TBC1D30: variants seen among roughly 807,000 people sequenced by gnomAD.
The protein encoded by TBC1D30 is TBC1 domain family, member 30.
TBC1D30 carries 31 observed loss-of-function variants against 63.2 expected under a neutral mutation model. That is an observed-to-expected ratio of 0.49 (90% confidence interval 0.37 to 0.66). TBC1D30 has a LOEUF of 0.66. TBC1D30 is among the 30% of genes least tolerant of loss of function. TBC1D30 has a pLI of 0.00. For missense variants in TBC1D30, 810 were observed against 953.6 expected, an observed-to-expected ratio of 0.85 and a Z score of 1.98; for synonymous variants, 307 against 361.5, an observed-to-expected ratio of 0.85 and a Z score of 1.71.
At chr12:64,865,416 A>G (rs1453403383) in intron 9 of TBC1D30, among the ~76,000 whole-genome samples, 12 of 152,044 alleles carry the variant, frequency 7.9e-5, no homozygotes, top group Admixed American at 7.9e-4. Context: ...AGTCCTTTAA[A>G]TATAATTTTC....
intron 8 of TBC1D30, among the ~76,000 whole-genome samples, chr12:64,856,268 G>A (rs1325106460): frequency 1.3e-5 from 2 of 152,200 alleles, no homozygotes; most frequent in African/African-American, 4.8e-5. Context: ...AGCCATTCAT[G>A]AGGGATCTGC....
rs111234357 is a variant in TBC1D30 at position 64,806,453 on chromosome 12, T to C, written c.643+20408T>C. Among the ~76,000 whole-genome samples, 32 of 152,058 alleles carry C rather than the reference T, an allele frequency of 2.1e-4. 2 individuals carry two copies. Among genetic ancestry groups the C allele is most frequent in the African/African-American group, 7.2e-4 (30 of 41,454 alleles). ...ATGAGGAGATTGAAGGCTCAGAGAG[T>C]TGAATAAGATGCATACAGCCAGCTC... On this transcript the variant is annotated intron_variant, in intron 2 of 12. Transcript: ENST00000542120.
intron 1 of TBC1D30, among the ~76,000 whole-genome samples, chr12:64,764,555 A>G (rs1413392824): frequency 6.6e-6 from 1 of 152,222 alleles, no homozygotes; most frequent in Non-Finnish European, 1.5e-5. Flanking sequence ...ACAATAGTGA[A>G]GGACTGTGAT....
In TBC1D30 at chr12:64,797,421, T is replaced by C. The variant is rs571722023; in HGVS notation, c.643+11376T>C. 2.0e-4 allele frequency among the ~76,000 whole-genome samples: 31 copies of C among 152,338 alleles called. No individual in the cohort carries two copies. In the South Asian group the frequency reaches 6.4e-3, roughly 32 times the overall value. ...GCATAATGACTCACTTGTGTACATA[T>C]TTAACTTATTTATTCCACTCTTTGT... On this transcript the variant is annotated intron_variant, in intron 2 of 12. Coordinates refer to the TBC1D30 transcript ENST00000542120.
Position 64,880,775 on chromosome 12 carries a change from C to T in TBC1D30, c.*4987C>T, listed in dbSNP as rs1240473253. On this transcript the variant is annotated 3_prime_UTR_variant, in exon 12 of 12. Coordinates refer to ENST00000539867, the MANE Select transcript of TBC1D30 (RefSeq NM_015279.2). ...GCTACACCAACCTGTGCCCCAGGGG[C>T]TTCAAGAGTTGTTGTTGTTTTAACA... 1 of 152,194 alleles carries T rather than the reference C, an allele frequency of 6.6e-6. No homozygotes were observed. Among genetic ancestry groups the T allele is most frequent in the African/African-American group, 2.4e-5 (1 of 41,448 alleles). 9.4% of individuals were successfully genotyped at this position (152,194 alleles called of 1,614,324 possible). A position where few individuals can be genotyped will look rare whatever the true frequency, so the allele number is the denominator to read the frequency against.
At chr12:64,785,545 C>T (rs1871520193) in intron 1 of TBC1D30, among the ~76,000 whole-genome samples, 1 of 151,914 alleles carries the variant, frequency 6.6e-6, no homozygotes, top group African/African-American at 2.4e-5. Context: ...CATCTGAACA[C>T]TTCAGTGGTA....
At chr12:64,861,810 G>T (rs1268832893) in intron 8 of TBC1D30, among the ~76,000 whole-genome samples, 1 of 152,174 alleles carries the variant, frequency 6.6e-6, no homozygotes, top group Non-Finnish European at 1.5e-5. Flanking sequence ...AAGTGTTTGT[G>T]ACTGACTTCC....
intron 5 of TBC1D30, among the ~76,000 whole-genome samples, chr12:64,834,234 T>C (rs1184226896): frequency 1.3e-5 from 2 of 152,182 alleles, no homozygotes; most frequent in African/African-American, 4.8e-5. Flanking sequence ...ATTGGACATC[T>C]ATTTTTTCAG....
At chr12:64,771,587 C>G (rs1012912752) in intron 1 of TBC1D30, among the ~76,000 whole-genome samples, 1 of 152,182 alleles carries the variant, frequency 6.6e-6, no homozygotes, top group Non-Finnish European at 1.5e-5. Context: ...ACCACTGCTT[C>G]TCTCTCAGCT....
At chr12:64,775,737 C>T (rs1382992012), upstream of TBC1D30, among the ~76,000 whole-genome samples, 1 of 152,160 alleles carries the variant, frequency 6.6e-6, no homozygotes, top group Non-Finnish European at 1.5e-5. Flanking sequence ...AGAAAATTAA[C>T]AAAGATATTC....
chr12:64,777,277 GAAAT>G (rs1173004866), upstream of TBC1D30, among the ~76,000 whole-genome samples: 3 of 152,244 alleles, frequency 2.0e-5, no homozygotes, highest in Non-Finnish European at 4.4e-5. Flanking sequence ...GCAAGAGAAA[GAAAT>G]AAAGGGCATT....
chr12:64,759,688 A>G (rs1033608309), intron 1 of TBC1D30: 13 of 197,510 alleles, frequency 6.6e-5, no homozygotes, highest in African/African-American at 2.8e-4. Context: ...GCGTTCTGGT[A>G]GGACGTACGT....
At chr12:64,858,819 A>G (rs1877531792) in intron 8 of TBC1D30, among the ~76,000 whole-genome samples, 1 of 152,138 alleles carries the variant, frequency 6.6e-6, no homozygotes, top group Non-Finnish European at 1.5e-5. Flanking sequence ...TGTCATCGGG[A>G]GCCTATAGTC....
At chr12:64,830,694 C>G (rs1874777591) in intron 4 of TBC1D30, among the ~76,000 whole-genome samples, 192 bp downstream of exon 4, 2 of 152,146 alleles carry the variant, frequency 1.3e-5, no homozygotes, top group African/African-American at 4.8e-5. Context: ...TTAAATGTTA[C>G]CGGTAAGAAG....
chr12:64,837,084 T>C (rs986654806), intron 6 of TBC1D30, among the ~76,000 whole-genome samples: 9 of 152,180 alleles, frequency 5.9e-5, no homozygotes, highest in African/African-American at 2.2e-4. Context: ...CTGCTATCTA[T>C]TGGGCATCAT....
intron 7 of TBC1D30, among the ~76,000 whole-genome samples, chr12:64,839,745 G>T (rs1033862871): frequency 6.6e-6 from 1 of 151,986 alleles, no homozygotes; most frequent in African/African-American, 2.4e-5. Flanking sequence ...GGTAGCTCAC[G>T]CCTATAATCC....
chr12:64,863,454 A>G (rs754674548), intron 8 of TBC1D30, among the ~76,000 whole-genome samples: 23 of 152,232 alleles, frequency 1.5e-4, no homozygotes, highest in Non-Finnish European at 3.1e-4. Flanking sequence ...CCTTTTGGGT[A>G]TAATCAAGTC....
In TBC1D30 at chr12:64,876,155, C is replaced by T. The variant is rs35944626; in HGVS notation, c.*367C>T. On this transcript the variant is annotated 3_prime_UTR_variant, in exon 12 of 12. Transcript: ENST00000539867. ...CCCTGTGACAGCACCCCCAAACCTT[C>T]CAGTTCTCTGGGTGTTACTAATACT... 8.8e-3 allele frequency: 1,722 copies of T among 196,014 alleles called. 41 individuals are homozygous for T. Among genetic ancestry groups the T allele is most frequent in the African/African-American group, 0.038 (1,636 of 42,630 alleles). 12.1% of individuals were successfully genotyped at this position (196,014 alleles called of 1,614,324 possible). A position where few individuals can be genotyped will look rare whatever the true frequency, so the allele number is the denominator to read the frequency against.
intron 2 of TBC1D30, among the ~76,000 whole-genome samples, chr12:64,791,865 G>A (rs1045077279): frequency 1.2e-4 from 18 of 151,992 alleles, no homozygotes; most frequent in African/African-American, 1.7e-4. Flanking sequence ...ATTATAAGGC[G>A]TAAGCTAACG....
Sources: gnomAD v4.1 joint callset for allele counts (sites outside exome capture counted in the v4.1 genomes callset) on GRCh38, gnomAD v4.1.1 for gene constraint, MANE v1.5 for transcripts, NCBI Gene and HGNC (gene_info 2026-07-23, HGNC 2026-07-21) for gene names.